TOX2: variants seen among roughly 807,000 people sequenced by gnomAD.
The protein encoded by TOX2 is TOX high mobility group box family member 2.
Under a neutral mutation model 47.4 loss-of-function variants are expected in TOX2, and 15 were observed. That is an observed-to-expected ratio of 0.32 (90% CI 0.21 to 0.49). The LOEUF is 0.49. Among genes scored for constraint, TOX2 ranks in the 20% least tolerant of loss-of-function variants. TOX2 has a pLI of 0.99. For synonymous variants in TOX2, 290 were observed against 296.6 expected, an observed-to-expected ratio of 0.98 and a Z score of 0.23; for missense variants, 622 against 673.1, an observed-to-expected ratio of 0.92 and a Z score of 0.84.
At chr20:43,925,854 G>T (rs1221794001) in intron 1 of TOX2, among the ~76,000 whole-genome samples, 1 of 152,214 alleles carries the variant, frequency 6.6e-6, no homozygotes, top group African/African-American at 2.4e-5. Context: ...AGGTCCAGAT[G>T]AATCAAGTAA....
At chr20:44,066,442 C>T (rs1443910240) in intron 7 of TOX2, among the ~76,000 whole-genome samples, 2 of 152,196 alleles carry the variant, frequency 1.3e-5, no homozygotes, top group African/African-American at 4.8e-5. Context: ...ACGAGGTTCA[C>T]ATGGCCCTTA....
intron 3 of TOX2, among the ~76,000 whole-genome samples, chr20:44,036,086 A>G (rs894123303): frequency 1.3e-5 from 2 of 152,212 alleles, no homozygotes; most frequent in African/African-American, 2.4e-5. Context: ...GCCACAGGCA[A>G]TTCCTGGAGA....
At chr20:44,060,455 T>G (rs2071697773) in intron 5 of TOX2, among the ~76,000 whole-genome samples, 1 of 152,190 alleles carries the variant, frequency 6.6e-6, no homozygotes, top group Admixed American at 6.5e-5. Context: ...ATATACATTC[T>G]GTTCATCAGC....
At chr20:43,990,490 G>T (rs958834187) in intron 2 of TOX2, among the ~76,000 whole-genome samples, 2 of 152,222 alleles carry the variant, frequency 1.3e-5, no homozygotes, top group African/African-American at 2.4e-5. Context: ...CCCATTTGTG[G>T]TGCCACCACC....
At chr20:44,042,448 G>C (rs1044076672) in intron 3 of TOX2, among the ~76,000 whole-genome samples, 3 of 152,144 alleles carry the variant, frequency 2.0e-5, no homozygotes, top group African/African-American at 7.2e-5. Context: ...ATCAGCTCCA[G>C]GTTTTCTCCC....
intron 1 of TOX2, among the ~76,000 whole-genome samples, chr20:43,940,158 T>C (rs1456964094): frequency 1.3e-5 from 2 of 151,888 alleles, no homozygotes; most frequent in Non-Finnish European, 2.9e-5. Context: ...AAACACAATG[T>C]GAAGACTTTC....
intron 3 of TOX2, among the ~76,000 whole-genome samples, chr20:44,022,163 C>T (rs1342102850): frequency 1.3e-5 from 2 of 152,224 alleles, no homozygotes; most frequent in Admixed American, 1.3e-4. Context: ...CTTGTCTTCT[C>T]TGTGCCCATG....
intron 1 of TOX2, among the ~76,000 whole-genome samples, chr20:43,956,577 AAAAAG>A (rs2069673181): frequency 7.0e-6 from 1 of 142,356 alleles, no homozygotes; most frequent in Non-Finnish European, 1.5e-5. Context: ...AAAAAAAAAA[AAAAAG>A]ACTGTTTTCT....
At chr20:43,970,321 G>A (rs1176017041) in intron 1 of TOX2, among the ~76,000 whole-genome samples, 2 of 152,186 alleles carry the variant, frequency 1.3e-5, no homozygotes, top group African/African-American at 4.8e-5. Context: ...TTTATGTAAA[G>A]CATTTTGCTC....
chr20:44,057,154 C>A (rs1405302246), intron 5 of TOX2, among the ~76,000 whole-genome samples: 3 of 152,198 alleles, frequency 2.0e-5, no homozygotes, highest in African/African-American at 7.2e-5. Context: ...CTCTTAGCCT[C>A]AAATGATCAT....
At chr20:43,975,654 C>A (rs974471373) in intron 2 of TOX2, among the ~76,000 whole-genome samples, 4 of 152,256 alleles carry the variant, frequency 2.6e-5, no homozygotes, top group African/African-American at 9.6e-5. Flanking sequence ...CGTTAGGTCC[C>A]CTTTCCATGA....
intron 7 of TOX2, 109 bp downstream of exon 7, chr20:44,066,216 T>C (rs2071819494): frequency 2.4e-6 from 3 of 1,243,992 alleles, no homozygotes; most frequent in Non-Finnish European, 2.2e-6. Context: ...AACCTCAGCC[T>C]TGGCACCTGA....
intron 1 of TOX2, among the ~76,000 whole-genome samples, chr20:43,948,912 C>A (rs868696177): frequency 7.2e-5 from 11 of 152,284 alleles, no homozygotes; most frequent in Non-Finnish European, 1.2e-4. Flanking sequence ...CTCTTGACTT[C>A]TAGTTGTGAG....
In TOX2 at chr20:43,915,865, C is replaced by A. The variant is rs191348087; in HGVS notation, c.99+875C>A. Among the ~76,000 whole-genome samples, 53 of 152,352 alleles carry A rather than the reference C, an allele frequency of 3.5e-4. No individual in the cohort carries two copies. In the East Asian group the frequency reaches 6.2e-3, roughly 18 times the overall value. ...TCCATGTTTCCAGGATCTATCCCCC[C>A]ACCCCAGCCAGGTCCCAGCTGCGCT... On this transcript the variant is annotated intron_variant, in intron 1 of 8. Coordinates refer to ENST00000341197, the MANE Select transcript of TOX2 (RefSeq NM_001098797.2). The surrounding 1 kb of genome is among the most constrained non-coding windows in gnomAD (Gnocchi z 7.1).
chr20:44,057,169 C>T (rs1309533534), intron 5 of TOX2, among the ~76,000 whole-genome samples: 1 of 152,204 alleles, frequency 6.6e-6, no homozygotes, highest in Non-Finnish European at 1.5e-5. Context: ...GATCATCCCA[C>T]CTTGGCCTCC....
chr20:44,063,890 T>C (rs1256186380), intron 5 of TOX2, among the ~76,000 whole-genome samples: 1 of 152,192 alleles, frequency 6.6e-6, no homozygotes, highest in Non-Finnish European at 1.5e-5. Flanking sequence ...ACAATTATTC[T>C]AAGTGAAGTA....
At chr20:44,055,286 C>A (rs558752190) in intron 5 of TOX2, among the ~76,000 whole-genome samples, 3 of 152,306 alleles carry the variant, frequency 2.0e-5, no homozygotes, top group Admixed American at 6.5e-5. Flanking sequence ...TGTAAAATTA[C>A]AATTGTGATT....
chr20:43,997,467 A>C (rs1436764391), intron 2 of TOX2, among the ~76,000 whole-genome samples: 1 of 152,218 alleles, frequency 6.6e-6, no homozygotes, highest in East Asian at 1.9e-4. Context: ...AATATTGATC[A>C]AAATTAGCCT....
chr20:44,063,759 TACAC>T (rs368029156), intron 5 of TOX2, among the ~76,000 whole-genome samples: 1 of 148,160 alleles, frequency 6.7e-6, no homozygotes, highest in Non-Finnish European at 1.5e-5. Flanking sequence ...CATATATATG[TACAC>T]ACACACACAT....
Sources: gnomAD v4.1 joint callset for allele counts (sites outside exome capture counted in the v4.1 genomes callset) on GRCh38, gnomAD v4.1.1 for gene constraint, Gnocchi (gnomAD v3.1) non-coding constraint, MANE v1.5 for transcripts, NCBI Gene and HGNC (gene_info 2026-07-23, HGNC 2026-07-21) for gene names.